DCPH1: variants seen among roughly 807,000 people sequenced by gnomAD.
DCPH1 encodes the protein damage-control phosphatase 1.
chr6:151,464,318 T>A, the DCPH1 span: 4 of 537,882 alleles, frequency 7.4e-6, no homozygotes, highest in Middle Eastern at 4.8e-4. Context: ...GTTTTTCTAG[T>A]TAATTAGATA....
At chr6:151,469,243 CT>C in the DCPH1 span, 1 of 634,760 alleles carries the variant, frequency 1.6e-6, no homozygotes, top group Non-Finnish European at 2.6e-6. Flanking sequence ...TGGTGCCCAT[CT>C]ACGTGCACTG....
chr6:151,458,675 T>G, the DCPH1 span: 2 of 977,868 alleles, frequency 2.0e-6, no homozygotes, highest in Non-Finnish European at 3.0e-6. Context: ...AAGCTTGAAT[T>G]TGGTTGAGTT....
chr6:151,455,184 A>C, the DCPH1 span, among the ~76,000 whole-genome samples: 4 of 147,608 alleles, frequency 2.7e-5, no homozygotes, highest in African/African-American at 9.9e-5. Flanking sequence ...TTAATGGATG[A>C]GGAAAAATCC....
chr6:151,459,751 C>T, the DCPH1 span, among the ~76,000 whole-genome samples: 1 of 152,266 alleles, frequency 6.6e-6, no homozygotes, highest in South Asian at 2.1e-4. Flanking sequence ...GATTACACCA[C>T]CGCACTCCAG....
chr6:151,461,391 C>T, the DCPH1 span, among the ~76,000 whole-genome samples: 13 of 152,302 alleles, frequency 8.5e-5, no homozygotes, highest in South Asian at 2.7e-3. Flanking sequence ...TATTTTTAGG[C>T]CAGGCACAGT....
the DCPH1 span, among the ~76,000 whole-genome samples, chr6:151,464,779 T>G: frequency 1.3e-5 from 2 of 152,264 alleles, no homozygotes; most frequent in South Asian, 4.1e-4. Flanking sequence ...AGAAATGGGT[T>G]TGAAATATTT....
At chr6:151,467,369 C>T in the DCPH1 span, among the ~76,000 whole-genome samples, 76 of 151,774 alleles carry the variant, frequency 5.0e-4, no homozygotes, top group Middle Eastern at 0.01. Flanking sequence ...GAGGCCACGG[C>T]AGGAGGATTG....
chr6:151,465,382 G>A, the DCPH1 span, among the ~76,000 whole-genome samples: 1 of 152,162 alleles, frequency 6.6e-6, no homozygotes, highest in African/African-American at 2.4e-5. Flanking sequence ...AGCAGGAAAA[G>A]GGCGTTGGGA....
the DCPH1 span, chr6:151,454,661 T>C: frequency 2.6e-5 from 34 of 1,323,636 alleles, no homozygotes; most frequent in East Asian, 2.3e-5. Context: ...GAGGTAAGAA[T>C]TGTTTTAACT....
the DCPH1 span, among the ~76,000 whole-genome samples, chr6:151,453,981 A>AAGG: frequency 4.6e-5 from 7 of 152,204 alleles, no homozygotes; most frequent in African/African-American, 1.7e-4. Flanking sequence ...AATAGGATGG[A>AAGG]AGGAGTCCAT....
At chr6:151,468,865 T>A in the DCPH1 span, 5 of 1,614,060 alleles carry the variant, frequency 3.1e-6, no homozygotes, top group East Asian at 1.1e-4. Context: ...GAAGGCACAT[T>A]TAATTTTATT....
chr6:151,469,996 T>C, the DCPH1 span: 2 of 152,186 alleles, frequency 1.3e-5, no homozygotes, highest in African/African-American at 2.4e-5. Flanking sequence ...TTGTCACAGA[T>C]AGTAAATACT....
the DCPH1 span, among the ~76,000 whole-genome samples, chr6:151,458,820 G>C: frequency 1.3e-5 from 2 of 152,140 alleles, no homozygotes; most frequent in Non-Finnish European, 2.9e-5. Context: ...TACTTGCCTA[G>C]AATAGACATA....
the DCPH1 span, among the ~76,000 whole-genome samples, chr6:151,465,304 A>T: frequency 6.6e-6 from 1 of 152,218 alleles, no homozygotes; most frequent in Non-Finnish European, 1.5e-5. Context: ...CCCAGCCCTC[A>T]CATTTTCCAG....
the DCPH1 span, chr6:151,468,423 A>T: frequency 1.7e-5 from 28 of 1,607,878 alleles, no homozygotes; most frequent in African/African-American, 4.0e-5. Context: ...TACTAAATTC[A>T]TTGGAAGACC....
chr6:151,468,874 T>C, the DCPH1 span: 2 of 1,614,036 alleles, frequency 1.2e-6, no homozygotes, highest in Non-Finnish European at 8.5e-7. Context: ...TTTAATTTTA[T>C]TCAAGGGTGA....
the DCPH1 span, among the ~76,000 whole-genome samples, chr6:151,455,876 G>A: frequency 6.6e-6 from 1 of 152,256 alleles, no homozygotes; most frequent in Admixed American, 6.5e-5. Flanking sequence ...AGGTCCCTGC[G>A]GCCTTCCGGC....
the DCPH1 span, chr6:151,468,620 AT>A: frequency 6.2e-7 from 1 of 1,614,134 alleles, no homozygotes; most frequent in Non-Finnish European, 8.5e-7. Flanking sequence ...ACTGAGGTTC[AT>A]TTTTATGGAA....
the DCPH1 span, among the ~76,000 whole-genome samples, chr6:151,464,804 G>A: frequency 2.0e-4 from 30 of 152,234 alleles, no homozygotes; most frequent in Admixed American, 5.2e-4. Context: ...GCTCTCACTG[G>A]CTATGATTTT....
Sources: allele counts gnomAD v4.1 joint callset (sites outside exome capture counted in the v4.1 genomes callset), GRCh38; gene constraint gnomAD v4.1.1; transcripts MANE v1.5; gene names NCBI Gene and HGNC (gene_info 2026-07-23, HGNC 2026-07-21).